Variants in MDN1 observed in about 807,000 individuals in gnomAD.
MDN1 encodes the protein midasin AAA ATPase 1, also known as midasin.
A neutral mutation model predicts 669.2 loss-of-function variants in MDN1; 266 were observed. That is an observed-to-expected ratio of 0.40 (90% CI 0.36 to 0.44). The LOEUF (loss-of-function observed/expected upper bound fraction) is 0.44, where lower values mean the gene tolerates loss of function less well. Ranked by LOEUF, MDN1 falls within the 20% of genes least tolerant of loss-of-function variation. The pLI is 1.00. For synonymous variants in MDN1, 2,385 were observed against 2,457.1 expected (o/e 0.97, Z 0.87); for missense variants, 5,940 against 6,754.0 (o/e 0.88, Z 4.22).
intron 1 of MDN1, 86 bp downstream of exon 1, chr6:89,819,420 G>A: frequency 7.9e-7 from 1 of 1,265,486 alleles, no homozygotes; most frequent in Non-Finnish European, 1.1e-6. Flanking sequence ...CACTTAAAGC[G>A]GCGAGTATCG....
Position 89,658,292 on chromosome 6 carries a change from C to T in MDN1, c.15100G>A (p.Gly5034Arg). ...TGCATGTTCTCCACACCAGTCTGCC[C>T]ACAGGAGGCATGCTCCTTCCTCTCC... ...ALERKEHASC[G>R]QTGVENMQNT... is the part of the protein sequence containing the mutation. The change falls in exon 90 of 102, where the codon GGG becomes AGG. Residue 5034 changes from glycine to arginine, a missense_variant. This residue lies in a region of MDN1 where 2,280 missense variants were observed against 2,576.3 expected (regional missense o/e 0.88). Coordinates refer to ENST00000369393, the MANE Select transcript of MDN1 (RefSeq NM_014611.3). The T allele has an allele frequency of 1.2e-6, 2 of 1,614,218 alleles. No homozygotes were observed. Among genetic ancestry groups the T allele is most frequent in the Non-Finnish European group, 1.7e-6 (2 of 1,180,040 alleles).
At chr6:89,724,498 G>T (rs1361181796) in intron 38 of MDN1, among the ~76,000 whole-genome samples, 1 of 152,126 alleles carries the variant, frequency 6.6e-6, no homozygotes, top group Non-Finnish European at 1.5e-5. Flanking sequence ...GGCCAGACTG[G>T]TCTCGAACTC....
At chr6:89,740,418 A>G (rs901002440) in intron 31 of MDN1, 40 bp from the exon 32 acceptor site, 2 of 1,517,862 alleles carry the variant, frequency 1.3e-6, no homozygotes, top group Non-Finnish European at 1.8e-6. Flanking sequence ...GGGCTTATAC[A>G]ATCTTTCTGT....
chr6:89,757,379 T>C (rs1453261722), intron 19 of MDN1, among the ~76,000 whole-genome samples: 1 of 152,204 alleles, frequency 6.6e-6, no homozygotes, highest in Non-Finnish European at 1.5e-5. Context: ...TCCTGTTATA[T>C]CGTGTTATGA....
At chr6:89,664,111 A>T (rs916528167) in intron 85 of MDN1, among the ~76,000 whole-genome samples, 1 of 152,338 alleles carries the variant, frequency 6.6e-6, no homozygotes, top group African/African-American at 2.4e-5. Flanking sequence ...GTTCCAAATC[A>T]TCTACAACAA....
At chr6:89,757,051 T>A (rs1817291832) in intron 19 of MDN1, among the ~76,000 whole-genome samples, 1 of 152,156 alleles carries the variant, frequency 6.6e-6, no homozygotes, top group Admixed American at 6.5e-5. Flanking sequence ...ACAAAATGGT[T>A]GAAGAGAAAA....
intron 40 of MDN1, among the ~76,000 whole-genome samples, chr6:89,722,301 A>G (rs1305523862): frequency 6.6e-6 from 1 of 152,244 alleles, no homozygotes; most frequent in Non-Finnish European, 1.5e-5. Flanking sequence ...AAACAAAACA[A>G]AACAGAAAAA....
chr6:89,732,257 T>TAA (rs754583172), intron 34 of MDN1, among the ~76,000 whole-genome samples: 3 of 132,838 alleles, frequency 2.3e-5, no homozygotes, highest in South Asian at 2.5e-4. Context: ...GAACTTAATT[T>TAA]AAAAAAAAAA....
intron 41 of MDN1, 31 bp downstream of exon 41, chr6:89,719,105 A>C: frequency 1.2e-6 from 2 of 1,611,630 alleles, no homozygotes; most frequent in Non-Finnish European, 1.7e-6. Context: ...AAAAAATGTC[A>C]AAGGATAGAG....
rs761138369 is a variant in MDN1, at chr6:89,700,272, A to T, written c.8661T>A (p.His2887Gln). ...TGGCTTTCAGTTCTAAACACTGAGC[A>T]TGCACAAAATTCTTCAATTCATCTG... ...VSLDELKNFV[H>Q]AQCLELKAKG... The change falls in exon 57 of 102, where the codon CAT becomes CAA. Residue 2887 changes from histidine (H) to glutamine (Q), a missense_variant. Physicochemically the swap from His to Gln is conservative, Grantham distance 24. Coordinates refer to ENST00000369393, the MANE Select transcript of MDN1 (RefSeq NM_014611.3). The T allele has an allele frequency of 1.8e-5, 29 of 1,614,038 alleles. No individual in the cohort carries two copies. The highest frequency in any genetic ancestry group is 2.5e-5 in the Non-Finnish European group (29 of 1,179,976).
At chr6:89,772,282 G>T (rs1022995861) in intron 14 of MDN1, among the ~76,000 whole-genome samples, 1 of 151,472 alleles carries the variant, frequency 6.6e-6, no homozygotes, top group African/African-American at 2.4e-5. Flanking sequence ...GTCTCAAAAA[G>T]AATAAAAATA....
intron 95 of MDN1, among the ~76,000 whole-genome samples, chr6:89,651,696 C>T (rs542549468): frequency 6.6e-6 from 1 of 152,308 alleles, no homozygotes; most frequent in African/African-American, 2.4e-5. Flanking sequence ...GATTTTTCTG[C>T]CAACTATGGC....
At chr6:89,689,595 T>C (rs1177251159) in intron 65 of MDN1, among the ~76,000 whole-genome samples, 1 of 152,206 alleles carries the variant, frequency 6.6e-6, no homozygotes, top group Non-Finnish European at 1.5e-5. Flanking sequence ...AATTAAGTCC[T>C]TGTCCTTATT....
Position 89,656,795 on chromosome 6 carries a change from C to A in MDN1, c.15190G>T (p.Gly5064Ter). 6.2e-7 allele frequency: 1 copy of A among 1,611,980 alleles called. No individual in the cohort carries two copies. Among genetic ancestry groups the A allele is most frequent in the Non-Finnish European group, 8.5e-7 (1 of 1,179,128 alleles). ...TGGTTTGCATCTGCAGCTCCACTTCCGTGTTCCTAGGAAATCCAAGCCACA... is the reference window on the plus strand; with the variant it reads ...TGGTTTGCATCTGCAGCTCCACTTCAGTGTTCCTAGGAAATCCAAGCCACA... ...PEKEQGKEEHGSGAADANQAE... is the reference protein window; with the variant it reads ...PEKEQGKEEH Residue 5064 changes from glycine (G) to a stop codon, truncating the protein, a stop_gained, in exon 91 of 102, where the codon GGA (glycine) becomes TGA (stop). Coordinates refer to ENST00000369393, the MANE Select transcript of MDN1 (RefSeq NM_014611.3). LOFTEE classifies it high-confidence loss of function.
chr6:89,813,921 AT>A lies in MDN1; in HGVS notation c.102+5584del, dbSNP rs1260351334. Among the ~76,000 whole-genome samples, 194 of 138,786 alleles carry A rather than the reference AT, an allele frequency of 1.4e-3. 2 individuals carry two copies. Among genetic ancestry groups the A allele is most frequent in the African/African-American group, 4.5e-3 (179 of 39,406 alleles). The allele number at this position is 138,786 out of a possible 152,430, so 91.0% of individuals were successfully genotyped here. On this transcript the variant is annotated intron_variant, in intron 1 of 101. Transcript: ENST00000369393. ...CAGCAAGACCTTGTTTCTACCTAAGATTTAAAAAAAAAAAAAAAAAAATTAG... is the reference window on the plus strand; with the variant it reads ...CAGCAAGACCTTGTTTCTACCTAAGATTAAAAAAAAAAAAAAAAAAATTAG...
At chr6:89,669,653 A>C (rs1404302723) in intron 83 of MDN1, among the ~76,000 whole-genome samples, 2 of 152,162 alleles carry the variant, frequency 1.3e-5, no homozygotes, top group Non-Finnish European at 2.9e-5. Flanking sequence ...TTATATACTC[A>C]AATGCAGGTG....
At chr6:89,769,074 G>A (rs747051971) in intron 15 of MDN1, among the ~76,000 whole-genome samples, 6 of 151,710 alleles carry the variant, frequency 4.0e-5, no homozygotes, top group Admixed American at 6.6e-5. Flanking sequence ...AAAAAGATCC[G>A]AATTTGCAAA....
intron 92 of MDN1, among the ~76,000 whole-genome samples, chr6:89,655,258 A>C (rs921156340): frequency 6.6e-6 from 1 of 152,180 alleles, no homozygotes; most frequent in Non-Finnish European, 1.5e-5. Flanking sequence ...GGGGAGACTG[A>C]CCAATGACCT....
chr6:89,704,590 TG>T (rs973138374), intron 53 of MDN1, among the ~76,000 whole-genome samples: 10 of 152,262 alleles, frequency 6.6e-5, no homozygotes, highest in Admixed American at 6.5e-4. Flanking sequence ...ACTAGGCCAA[TG>T]AATTTTCTTT....
Sources: allele counts gnomAD v4.1 joint callset (sites outside exome capture counted in the v4.1 genomes callset), GRCh38; gene constraint gnomAD v4.1.1; regional missense constraint gnomAD v4.1.1; transcripts MANE v1.5; gene names NCBI Gene and HGNC (gene_info 2026-07-23, HGNC 2026-07-21).